The following HTR2C variants were observed in gnomAD, a reference collection of about 807,000 sequenced individuals.
HTR2C encodes the protein 5-hydroxytryptamine (serotonin) receptor 2C, G protein-coupled.
In HTR2C, 5 loss-of-function variants were observed where a neutral mutation model predicts 21.0. That is an observed-to-expected ratio of 0.24 (90% confidence interval 0.12 to 0.50). The LOEUF (loss-of-function observed/expected upper bound fraction) is 0.50, where lower values mean the gene tolerates loss of function less well. Among genes scored for constraint, HTR2C ranks in the 20% least tolerant of loss-of-function variants. The probability of loss-of-function intolerance (pLI) is 0.98; values close to 1 mark genes in which losing one functional copy is unlikely to be tolerated. For synonymous variants in HTR2C, 150 were observed against 145.3 expected, an observed-to-expected ratio of 1.03 and a Z score of -0.23; for missense variants, 271 against 371.2, an observed-to-expected ratio of 0.73 and a Z score of 2.22.
intron 5 of HTR2C, among the ~76,000 whole-genome samples, chrX:114,885,456 G>C (rs1409937266): frequency 9.0e-6 from 1 of 111,223 alleles, no homozygotes; most frequent in Non-Finnish European, 1.9e-5. Context: ...CCATCATTAA[G>C]CCACACGCAA....
intron 2 of HTR2C, among the ~76,000 whole-genome samples, chrX:114,660,865 C>T (rs1283203814): frequency 8.9e-6 from 1 of 111,916 alleles, no homozygotes; most frequent in Non-Finnish European, 1.9e-5. Flanking sequence ...GGCCTCTAAA[C>T]CGGTAGCAAG....
At chrX:114,595,075 C>T (rs1180776417) in intron 1 of HTR2C, among the ~76,000 whole-genome samples, 2 of 111,375 alleles carry the variant, frequency 1.8e-5, no homozygotes, top group African/African-American at 6.5e-5. Context: ...AACATAACTT[C>T]GACTTAGTTA....
At chrX:114,813,124 T>C (rs1382851537) in intron 4 of HTR2C, among the ~76,000 whole-genome samples, 1 of 112,081 alleles carries the variant, frequency 8.9e-6, no homozygotes, top group Non-Finnish European at 1.9e-5. Context: ...AATCCTTATA[T>C]ACAACCAAAA....
chrX:114,724,594 C>CAAGAT (rs1485127624), intron 2 of HTR2C, among the ~76,000 whole-genome samples: 1 of 87,161 alleles, frequency 1.1e-5, no homozygotes, highest in African/African-American at 3.9e-5. Context: ...TTAGTTGATG[C>CAAGAT]AGTTTCTTCC....
intron 5 of HTR2C, among the ~76,000 whole-genome samples, chrX:114,892,896 TTATTTATTTTTA>T (rs1556483077): frequency 9.2e-6 from 1 of 108,120 alleles, no homozygotes; most frequent in Non-Finnish European, 1.9e-5. Context: ...ACTGATTTTA[TTATTTATTTTTA>T]TTTTTATTTT....
At chrX:114,622,268 T>C (rs782011938) in intron 2 of HTR2C, among the ~76,000 whole-genome samples, 1 of 111,419 alleles carries the variant, frequency 9.0e-6, no homozygotes, top group Non-Finnish European at 1.9e-5. Flanking sequence ...ACTTTGCTGA[T>C]AAGCTACAGA....
chrX:114,698,459 A>C (rs1556416189), intron 2 of HTR2C, among the ~76,000 whole-genome samples: 108 of 9,075 alleles, frequency 0.012, 1 homozygote, highest in East Asian at 0.042. Context: ...CACACACACA[A>C]ACACACACAC....
intron 2 of HTR2C, among the ~76,000 whole-genome samples, chrX:114,715,922 C>A (rs183901323): frequency 1.8e-5 from 2 of 112,609 alleles, no homozygotes; most frequent in African/African-American, 6.4e-5. Flanking sequence ...CTACTACATG[C>A]CCAGCATCTG....
intron 5 of HTR2C, among the ~76,000 whole-genome samples, chrX:114,881,752 G>A (rs965822170): frequency 1.8e-5 from 2 of 109,989 alleles, no homozygotes; most frequent in African/African-American, 3.3e-5. Flanking sequence ...CTTTGTAGTT[G>A]GTTTGAAAAT....
intron 5 of HTR2C, among the ~76,000 whole-genome samples, chrX:114,886,702 T>A (rs1437043212): frequency 2.7e-5 from 3 of 110,388 alleles, no homozygotes; most frequent in Non-Finnish European, 3.8e-5. Context: ...ACAAGCACAA[T>A]AATATATCAT....
intron 4 of HTR2C, among the ~76,000 whole-genome samples, chrX:114,819,809 G>A (rs2070615912): frequency 8.9e-6 from 1 of 112,346 alleles, no homozygotes; most frequent in Admixed American, 9.4e-5. Context: ...AATATCACTT[G>A]TTTTGAGACC....
At chrX:114,586,156 C>T (rs976923797) in intron 1 of HTR2C, among the ~76,000 whole-genome samples, 10 of 111,647 alleles carry the variant, frequency 9.0e-5, no homozygotes, top group Non-Finnish European at 1.9e-4. Context: ...CAAAGGCCAA[C>T]TGACATGCCC....
At chrX:114,614,676 A>C (rs1272982875) in intron 2 of HTR2C, among the ~76,000 whole-genome samples, 1 of 111,762 alleles carries the variant, frequency 8.9e-6, no homozygotes, top group Non-Finnish European at 1.9e-5. Context: ...CAATGGATGC[A>C]CTTAAAAATC....
rs1040059271 is a variant in HTR2C, at chrX:114,697,446, G to A, written c.-79-29412G>A. ...AAGTTTTTCTATTAAGATGGATTGTGGTGAAGTGCAACTTCTGATTCTTTC... is the reference window on the plus strand; with the variant it reads ...AAGTTTTTCTATTAAGATGGATTGTAGTGAAGTGCAACTTCTGATTCTTTC... On this transcript the variant is annotated intron_variant, in intron 2 of 5. Coordinates refer to ENST00000276198, the MANE Select transcript of HTR2C (RefSeq NM_000868.4). 2.7e-5 allele frequency among the ~76,000 whole-genome samples: 3 copies of A among 112,216 alleles called. No homozygotes were observed. In the Admixed American group the frequency reaches 2.8e-4, roughly 11 times the overall value.
At chrX:114,825,437 TTTTA>T (rs1768810106) in intron 4 of HTR2C, among the ~76,000 whole-genome samples, 1 of 112,039 alleles carries the variant, frequency 8.9e-6, no homozygotes. Context: ...AAGATATCTG[TTTTA>T]TTTGTTTTCA....
rs782177752 is a variant in HTR2C at position 114,609,139 on chromosome X, C to T, written c.-146-4676C>T. Among the ~76,000 whole-genome samples the T allele has an allele frequency of 4.5e-5, 5 of 111,305 alleles. No homozygotes were observed. The South Asian group carries it at 1.9e-3, about 42-fold the overall frequency. On this transcript the variant is annotated intron_variant, in intron 1 of 5. Coordinates refer to ENST00000276198, the MANE Select transcript of HTR2C (RefSeq NM_000868.4). ...CTTTGGTTGGTATGTATTTTGGCCA[C>T]TAACATCACTAATAAAAAAACAGTA...
intron 2 of HTR2C, among the ~76,000 whole-genome samples, chrX:114,723,157 G>A (rs1556421088): frequency 9.0e-6 from 1 of 110,701 alleles, no homozygotes; most frequent in East Asian, 2.8e-4. Flanking sequence ...GACTCTTTTT[G>A]CTTGGTAAGC....
chrX:114,906,683 T>A lies in HTR2C; in HGVS notation c.645T>A (p.Val215=). The change falls in exon 6 of 6, where the codon GTT becomes GTA. Residue 215 remains valine, a synonymous_variant. Coordinates refer to ENST00000276198, the MANE Select transcript of HTR2C (RefSeq NM_000868.4). Reference sequence around the variant, plus strand: ...GCGTGCTCAACGACCCAAATTTCGTTCTTATTGGGTCCTTCGTAGCTTTCT... The same window carrying A: ...GCGTGCTCAACGACCCAAATTTCGTACTTATTGGGTCCTTCGTAGCTTTCT... ...TTCVLNDPNF[V]LIGSFVAFFI... The A allele has an allele frequency of 8.3e-7, 1 of 1,209,891 alleles. No homozygotes were observed. The highest frequency in any genetic ancestry group is 1.1e-6 in the Non-Finnish European group (1 of 894,282).
At chrX:114,768,727 G>C (rs1009699019) in intron 4 of HTR2C, among the ~76,000 whole-genome samples, 2 of 110,880 alleles carry the variant, frequency 1.8e-5, no homozygotes, top group Non-Finnish European at 3.8e-5. Flanking sequence ...TACTCAATTG[G>C]CTTTTACTCT....
Sources: allele counts gnomAD v4.1 joint callset (sites outside exome capture counted in the v4.1 genomes callset), GRCh38; gene constraint gnomAD v4.1.1; transcripts MANE v1.5; gene names NCBI Gene and HGNC (gene_info 2026-07-23, HGNC 2026-07-21).